The following RYR3 variants were observed in gnomAD, a reference collection of about 807,000 sequenced individuals.
The protein encoded by RYR3 is brain ryanodine receptor-calcium release channel.
RYR3 carries 207 observed loss-of-function variants against 584.3 expected under a neutral mutation model. The observed-to-expected ratio is 0.35, with a 90% CI of 0.32 to 0.40. RYR3 has a LOEUF of 0.40. Ranked by LOEUF, RYR3 falls within the 10% of genes least tolerant of loss-of-function variation. RYR3 has a pLI of 1.00. For missense variants in RYR3, 5,616 were observed against 6,089.2 expected (o/e 0.92, Z 2.59); for synonymous variants, 2,416 against 2,248.5 (o/e 1.07, Z -2.11).
At chr15:33,671,799 C>CTTTTTCT (rs1555402604) in intron 38 of RYR3, among the ~76,000 whole-genome samples, 2 of 111,490 alleles carry the variant, frequency 1.8e-5, no homozygotes, top group Non-Finnish European at 1.8e-5. Context: ...TTCCCACCTT[C>CTTTTTCT]TTTTTCTTTT....
intron 103 of RYR3, 90 bp downstream of exon 103, chr15:33,864,279 A>T (rs897965150): frequency 6.1e-6 from 6 of 991,734 alleles, no homozygotes; most frequent in Non-Finnish European, 6.1e-6. Context: ...AAATACATAC[A>T]TGGCCCCATT....
intron 32 of RYR3, among the ~76,000 whole-genome samples, chr15:33,653,531 G>A (rs572430813): frequency 8.5e-5 from 13 of 152,162 alleles, no homozygotes; most frequent in Middle Eastern, 3.4e-3. Flanking sequence ...TTAGCCGAGC[G>A]TGGTGGCCCG....
At chr15:33,690,907 AC>A (rs2152755895) in intron 38 of RYR3, among the ~76,000 whole-genome samples, 1 of 152,326 alleles carries the variant, frequency 6.6e-6, no homozygotes, top group South Asian at 2.1e-4. Flanking sequence ...TTTTATGAAA[AC>A]TAAATTTTTC....
intron 2 of RYR3, among the ~76,000 whole-genome samples, chr15:33,478,260 C>T (rs1275782111): frequency 6.6e-6 from 1 of 152,162 alleles, no homozygotes; most frequent in Non-Finnish European, 1.5e-5. Flanking sequence ...ACCCCTATAG[C>T]AATTCAGGGG....
At chr15:33,748,395 G>C in intron 54 of RYR3, 73 bp from the exon 55 acceptor site, 1 of 1,548,676 alleles carries the variant, frequency 6.5e-7, no homozygotes, top group Non-Finnish European at 8.9e-7. Flanking sequence ...ATTTTTGACA[G>C]CTGAAGTTGG....
At chr15:33,798,351 A>G (rs2075741565) in intron 67 of RYR3, among the ~76,000 whole-genome samples, 1 of 152,156 alleles carries the variant, frequency 6.6e-6, no homozygotes, top group Non-Finnish European at 1.5e-5. Flanking sequence ...TCGGCCTCCC[A>G]AAGTGCTGGG....
intron 1 of RYR3, among the ~76,000 whole-genome samples, chr15:33,427,359 A>T (rs1331886077): frequency 2.0e-5 from 3 of 152,214 alleles, no homozygotes; most frequent in Non-Finnish European, 4.4e-5. Context: ...CTATAGTCCC[A>T]GCTTCTTGGG....
chr15:33,341,013 T>A (rs1404464194), intron 1 of RYR3, among the ~76,000 whole-genome samples: 1 of 152,110 alleles, frequency 6.6e-6, no homozygotes, highest in Non-Finnish European at 1.5e-5. Context: ...CTAAGCCCCA[T>A]CCCCAGAGTT....
At chr15:33,443,300 T>C (rs1299761560) in intron 1 of RYR3, among the ~76,000 whole-genome samples, 1 of 151,164 alleles carries the variant, frequency 6.6e-6, no homozygotes, top group Non-Finnish European at 1.5e-5. Flanking sequence ...AGTGCAGCAT[T>C]TCTAGTTGAC....
At chr15:33,460,948 T>TTTTTTTTTTTTTTC (rs1426291101) in intron 1 of RYR3, among the ~76,000 whole-genome samples, 1 of 125,982 alleles carries the variant, frequency 7.9e-6, no homozygotes, top group African/African-American at 3.2e-5. Flanking sequence ...ACCTTTTTTT[T>TTTTTTTTTTTTTTC]TTTTTTTTTT....
chr15:33,690,585 G>A (rs929890550), intron 38 of RYR3, among the ~76,000 whole-genome samples: 2 of 152,218 alleles, frequency 1.3e-5, no homozygotes, highest in African/African-American at 4.8e-5. Context: ...TAGCTTTCTA[G>A]GTTCATGTCT....
chr15:33,682,503 G>A lies in RYR3; in HGVS notation c.5860+11947G>A, dbSNP rs61497133. ...ATATATTTGATATCATTGCCTTAAT[G>A]TGACTACCCCTAATTACGCTAATTG... On this transcript the variant is annotated intron_variant, in intron 38 of 103. Coordinates refer to ENST00000634891, the MANE Select transcript of RYR3 (RefSeq NM_001036.6). 8.5e-4 allele frequency among the ~76,000 whole-genome samples: 130 copies of A among 152,116 alleles called. 1 individual carries two copies. Among genetic ancestry groups the A allele is most frequent in the African/African-American group, 3.1e-3 (129 of 41,484 alleles).
In RYR3 at chr15:33,647,418, C is replaced by T. The variant is rs1428792711; in HGVS notation, c.3942-6C>T. On this transcript the variant is annotated splice_polypyrimidine_tract_variant and splice_region_variant and intron_variant, in intron 29 of 103. Coordinates refer to ENST00000634891, the MANE Select transcript of RYR3 (RefSeq NM_001036.6). Reference sequence around the variant, plus strand: ...ATAACTAAAACATGGATTATCTTTCCCCCAGGAAACAGATGCAAGAAATAC... The same window carrying T: ...ATAACTAAAACATGGATTATCTTTCTCCCAGGAAACAGATGCAAGAAATAC... 6.2e-7 allele frequency: 1 copy of T among 1,605,976 alleles called. No homozygotes were observed. The highest frequency in any genetic ancestry group is 1.1e-5 in the South Asian group (1 of 90,810).
chr15:33,853,468 G>C (rs1284315305), intron 95 of RYR3, 87 bp from the exon 96 acceptor site: 10 of 1,499,104 alleles, frequency 6.7e-6, no homozygotes, highest in Non-Finnish European at 8.1e-6. Context: ...ATTGCCCATA[G>C]GGCAGCAAAG....
At chr15:33,846,569 A>G (rs2078736960) in intron 93 of RYR3, among the ~76,000 whole-genome samples, 1 of 152,182 alleles carries the variant, frequency 6.6e-6, no homozygotes, top group African/African-American at 2.4e-5. Flanking sequence ...CTTCCCAGGA[A>G]GAGTCCAGGA....
Position 33,730,113 on chromosome 15 carries a change from A to ATGAATAATTATTTGTGAATAATTATTTG in RYR3, c.7203+1111_7203+1112insTTTGTGAATAATTATTTGTGAATAATTA, listed in dbSNP as rs6145516. On this transcript the variant is annotated intron_variant, in intron 47 of 103. Transcript: ENST00000634891. ...AATTTTTTATTCATAATGAATAATT[A>ATGAATAATTATTTGTGAATAATTATTTG]TGAATAATTATTTGTGAATAATTAA... is the stretch of plus-strand genomic sequence containing the variant. Among the ~76,000 whole-genome samples the ATGAATAATTATTTGTGAATAATTATTTG allele has an allele frequency of 1.8e-4, 27 of 151,286 alleles. 1 individual carries two copies. The highest frequency in any genetic ancestry group is 1.8e-3 in the Admixed American group (27 of 15,210).
intron 45 of RYR3, among the ~76,000 whole-genome samples, chr15:33,725,154 T>TAAAC (rs1491320205): frequency 8.8e-6 from 1 of 113,846 alleles, no homozygotes; most frequent in Non-Finnish European, 1.8e-5. Flanking sequence ...TCCAACACCT[T>TAAAC]ACACACACAC....
chr15:33,749,661 A>C (rs187393345), intron 55 of RYR3, among the ~76,000 whole-genome samples: 2 of 152,292 alleles, frequency 1.3e-5, no homozygotes, highest in Admixed American at 6.5e-5. Context: ...TACAATACCA[A>C]GCTGCTGTGA....
chr15:33,410,764 G>C (rs2043347819), intron 1 of RYR3, among the ~76,000 whole-genome samples: 1 of 152,182 alleles, frequency 6.6e-6, no homozygotes. Flanking sequence ...GTATTAGTCT[G>C]TTCTCATGCT....
Sources: allele counts gnomAD v4.1 joint callset (sites outside exome capture counted in the v4.1 genomes callset), GRCh38; gene constraint gnomAD v4.1.1; transcripts MANE v1.5; gene names NCBI Gene and HGNC (gene_info 2026-07-23, HGNC 2026-07-21).